The following DLC1 variants were observed in gnomAD, a reference collection of about 807,000 sequenced individuals.
The protein encoded by DLC1 is rho GTPase-activating protein 7.
A neutral mutation model predicts 140.3 loss-of-function variants in DLC1; 54 were observed. That is an observed-to-expected ratio of 0.38 (90% CI 0.31 to 0.48). The LOEUF is 0.48. DLC1 is among the 20% of genes least tolerant of loss of function. DLC1 has a pLI of 0.96. For synonymous variants in DLC1, 986 were observed against 728.1 expected, an observed-to-expected ratio of 1.35 and a Z score of -5.70; for missense variants, 2,536 against 1,907.0, an observed-to-expected ratio of 1.33 and a Z score of -6.14.
chr8:13,370,049 A>C (rs375244546), intron 4 of DLC1, among the ~76,000 whole-genome samples: 4 of 150,618 alleles, frequency 2.7e-5, no homozygotes, highest in Non-Finnish European at 5.9e-5. Flanking sequence ...CAGAACATCT[A>C]GTTTGCCCTT....
At chr8:13,249,673 C>T (rs1017090843) in intron 5 of DLC1, among the ~76,000 whole-genome samples, 6 of 152,316 alleles carry the variant, frequency 3.9e-5, no homozygotes, top group East Asian at 1.9e-4. Context: ...TTTACAGCAA[C>T]GTTCCCTCTG....
chr8:13,361,100 C>T (rs978217638), intron 4 of DLC1, among the ~76,000 whole-genome samples: 1 of 151,834 alleles, frequency 6.6e-6, no homozygotes, highest in African/African-American at 2.4e-5. Flanking sequence ...GGTGTGTTGG[C>T]ATGTGCCTGT....
At chr8:13,601,655 A>AC (rs1491120059) in intron 1 of DLC1, among the ~76,000 whole-genome samples, 2 of 149,758 alleles carry the variant, frequency 1.3e-5, no homozygotes, top group Non-Finnish European at 3.0e-5. Context: ...CAAAAAAAAA[A>AC]CAAAACAAAA....
Position 13,436,763 on chromosome 8 carries a change from A to G in DLC1, c.1024-35144T>C, listed in dbSNP as rs191386596. On this transcript the variant is annotated intron_variant, in intron 2 of 17. Transcript: ENST00000276297. Reference sequence around the variant, plus strand: ...TGCTGTAATGATTCATTTATTTGGCATATTTCCAAAATGCATAGAATTTAT... The same window carrying G: ...TGCTGTAATGATTCATTTATTTGGCGTATTTCCAAAATGCATAGAATTTAT... Among the ~76,000 whole-genome samples, 6 of 152,322 alleles carry G rather than the reference A, an allele frequency of 3.9e-5. No homozygotes were observed. The East Asian group carries it at 1.2e-3, about 29-fold the overall frequency.
intron 4 of DLC1, among the ~76,000 whole-genome samples, chr8:13,378,787 A>G (rs1836113919): frequency 6.6e-6 from 1 of 152,188 alleles, no homozygotes; most frequent in South Asian, 2.1e-4. Flanking sequence ...AGAGATGCAG[A>G]AAAGAGCATA....
intron 2 of DLC1, among the ~76,000 whole-genome samples, chr8:13,422,589 T>C (rs1274054097): frequency 6.6e-6 from 1 of 152,192 alleles, no homozygotes; most frequent in Non-Finnish European, 1.5e-5. Context: ...TGTAAGTCTC[T>C]TTGAATGTTT....
At chr8:13,448,731 A>C (rs1021866400) in intron 2 of DLC1, among the ~76,000 whole-genome samples, 1 of 152,130 alleles carries the variant, frequency 6.6e-6, no homozygotes, top group Non-Finnish European at 1.5e-5. Context: ...TCCTTTCTCC[A>C]TAGTGTTCAG....
intron 2 of DLC1, among the ~76,000 whole-genome samples, chr8:13,443,343 T>TA (rs58765529): frequency 0.018 from 2,274 of 123,192 alleles, 37 homozygotes; most frequent in Middle Eastern, 0.037. Context: ...CCCTAAAACT[T>TA]AAAAAAAAAA....
intron 6 of DLC1, 48 bp from the exon 7 acceptor site, chr8:13,110,871 T>G (rs1315328761): frequency 6.4e-7 from 1 of 1,573,940 alleles, no homozygotes; most frequent in African/African-American, 1.3e-5. Context: ...TAAAACCCAA[T>G]TTGCCAAATA....
At position 13,099,926 on chromosome 8, in the gene DLC1, T is replaced by G; in HGVS notation, c.2411A>C (p.Asp804Ala). ...ATCTTCAGGGATGTAGAACACCGTG[T>G]CCTCTGGGTAGCTCTCGCGGTTCTT... The part of the protein sequence containing the change: ...NFKNRESYPE[D>A]TVFYIPEDHK... The change falls in exon 9 of 18, where the codon GAC becomes GCC. Residue 804 changes from aspartate (D) to alanine (A), a missense_variant. Asp to Ala is a moderately radical substitution (Grantham distance 126). Coordinates refer to ENST00000276297, the MANE Select transcript of DLC1 (RefSeq NM_182643.3). 2 of 1,613,944 alleles carry G rather than the reference T, an allele frequency of 1.2e-6. No homozygotes were observed. The highest frequency in any genetic ancestry group is 1.7e-6 in the Non-Finnish European group (2 of 1,180,036).
intron 2 of DLC1, among the ~76,000 whole-genome samples, chr8:13,474,711 G>A (rs908342564): frequency 6.6e-6 from 1 of 152,184 alleles, no homozygotes. Context: ...GAGACATACA[G>A]TCAAAGAAGA....
intron 5 of DLC1, among the ~76,000 whole-genome samples, chr8:13,205,030 T>C (rs1201299272): frequency 1.3e-5 from 2 of 152,134 alleles, no homozygotes. Flanking sequence ...CAACATGGCA[T>C]TTTGCAATCC....
intron 5 of DLC1, among the ~76,000 whole-genome samples, chr8:13,255,845 C>G (rs924658798): frequency 1.3e-5 from 2 of 152,202 alleles, no homozygotes; most frequent in African/African-American, 4.8e-5. Context: ...GAAGTACTCA[C>G]TTAATATTTG....
At chr8:13,583,748 T>A (rs1805202811) in intron 1 of DLC1, 1 of 152,316 alleles carries the variant, frequency 6.6e-6, no homozygotes, top group Admixed American at 6.5e-5. Context: ...AGAGTCGGTG[T>A]CTCTGAGTTC....
At chr8:13,145,886 G>T (rs961397601) in intron 5 of DLC1, among the ~76,000 whole-genome samples, 1 of 152,150 alleles carries the variant, frequency 6.6e-6, no homozygotes, top group African/African-American at 2.4e-5. Context: ...GAGCATGGGG[G>T]TAACTTTAAC....
At chr8:13,121,326 A>G in intron 5 of DLC1, among the ~76,000 whole-genome samples, 1 of 152,194 alleles carries the variant, frequency 6.6e-6, no homozygotes, top group East Asian at 1.9e-4. Context: ...GGGAAGGAAG[A>G]TACTGCTTAT....
intron 5 of DLC1, among the ~76,000 whole-genome samples, chr8:13,152,986 C>T (rs1449740945): frequency 2.0e-5 from 3 of 152,146 alleles, no homozygotes; most frequent in African/African-American, 4.8e-5. Flanking sequence ...ATATTTTCTT[C>T]TTAGCATGTT....
chr8:13,476,385 A>G (rs1264114313), intron 2 of DLC1, among the ~76,000 whole-genome samples: 5 of 152,202 alleles, frequency 3.3e-5, no homozygotes, highest in African/African-American at 9.7e-5. Context: ...TAATTCGAAC[A>G]TAATTTTCTT....
At chr8:13,410,308 T>C (rs935405684) in intron 2 of DLC1, among the ~76,000 whole-genome samples, 2 of 152,094 alleles carry the variant, frequency 1.3e-5, no homozygotes, top group Non-Finnish European at 2.9e-5. Flanking sequence ...AATATTTCTA[T>C]AAAACTAGGA....
Sources: gnomAD v4.1 joint callset for allele counts (sites outside exome capture counted in the v4.1 genomes callset) on GRCh38, gnomAD v4.1.1 for gene constraint, MANE v1.5 for transcripts, NCBI Gene and HGNC (gene_info 2026-07-23, HGNC 2026-07-21) for gene names.